The following KHDRBS3 variants were observed in gnomAD, a reference collection of about 807,000 sequenced individuals.
KHDRBS3 encodes KH RNA binding domain containing, signal transduction associated 3, also known as KH domain-containing, RNA-binding, signal transduction-associated protein 3.
Under a neutral mutation model 45.6 loss-of-function variants are expected in KHDRBS3, and 23 were observed. That is an observed-to-expected ratio of 0.50 (90% confidence interval 0.36 to 0.72). The LOEUF (loss-of-function observed/expected upper bound fraction) is 0.72, where lower values mean the gene tolerates loss of function less well. Ranked by LOEUF, KHDRBS3 falls within the 30% of genes least tolerant of loss-of-function variation. The probability of loss-of-function intolerance (pLI) is 0.00; values close to 1 mark genes in which losing one functional copy is unlikely to be tolerated. For synonymous variants in KHDRBS3, 162 were observed against 156.5 expected (o/e 1.04, Z -0.26); for missense variants, 352 against 424.8 (o/e 0.83, Z 1.51).
At chr8:135,504,771 C>T (rs939907457) in intron 1 of KHDRBS3, among the ~76,000 whole-genome samples, 1 of 152,152 alleles carries the variant, frequency 6.6e-6, no homozygotes, top group African/African-American at 2.4e-5. Flanking sequence ...GGAAATCAGA[C>T]ATTTAGCTCA....
intron 2 of KHDRBS3, among the ~76,000 whole-genome samples, chr8:135,530,000 C>G (rs980350097): frequency 6.7e-6 from 1 of 150,228 alleles, no homozygotes; most frequent in East Asian, 2.0e-4. Context: ...TGCAGTGAGC[C>G]GAGATCGTGC....
intron 1 of KHDRBS3, among the ~76,000 whole-genome samples, chr8:135,470,429 C>A (rs910038749): frequency 6.6e-6 from 1 of 152,016 alleles, no homozygotes; most frequent in Non-Finnish European, 1.5e-5. Flanking sequence ...GAACCAACAG[C>A]GATAATCCCC....
Position 135,492,817 on chromosome 8 carries a change from A to T in KHDRBS3, c.89-28420A>T, listed in dbSNP as rs1018797915. 2.0e-5 allele frequency among the ~76,000 whole-genome samples: 3 copies of T among 152,066 alleles called. No homozygotes were observed. The East Asian group carries it at 5.8e-4, about 29-fold the overall frequency. ...GTATGCAAGATCCTTTTGCACATGT[A>T]TATGTGTTTTAGGATCAGCTTACTG... On this transcript the variant is annotated intron_variant, in intron 1 of 8. Coordinates refer to ENST00000355849, the MANE Select transcript of KHDRBS3 (RefSeq NM_006558.3).
chr8:135,608,144 A>G (rs995704000), intron 7 of KHDRBS3, among the ~76,000 whole-genome samples: 5 of 152,152 alleles, frequency 3.3e-5, no homozygotes, highest in South Asian at 2.1e-4. Context: ...TTTATGAAGT[A>G]TATGCCATTG....
chr8:135,483,110 T>C (rs1047136159), intron 1 of KHDRBS3, among the ~76,000 whole-genome samples: 78 of 152,194 alleles, frequency 5.1e-4, no homozygotes, highest in African/African-American at 1.8e-3. Flanking sequence ...CAACCCTGTA[T>C]CTCTTTTGCA....
chr8:135,536,989 AAAAAAAAAGG>A (rs1421287694), intron 2 of KHDRBS3, among the ~76,000 whole-genome samples: 10 of 47,442 alleles, frequency 2.1e-4, no homozygotes, highest in African/African-American at 4.0e-4. Flanking sequence ...AAAAAAAAAA[AAAAAAAAAGG>A]AGATGTTTAG....
intron 2 of KHDRBS3, among the ~76,000 whole-genome samples, chr8:135,538,181 C>A (rs1825870074): frequency 6.6e-6 from 1 of 152,148 alleles, no homozygotes; most frequent in Non-Finnish European, 1.5e-5. Flanking sequence ...CTACCCTGAG[C>A]TTGGCCTGTT....
At chr8:135,469,393 T>C (rs577604670) in intron 1 of KHDRBS3, among the ~76,000 whole-genome samples, 1 of 152,150 alleles carries the variant, frequency 6.6e-6, no homozygotes, top group South Asian at 2.1e-4. Flanking sequence ...CACGCCATTC[T>C]CCTGCCTCCT....
chr8:135,483,066 C>G (rs142921043), intron 1 of KHDRBS3, among the ~76,000 whole-genome samples: 2 of 152,192 alleles, frequency 1.3e-5, no homozygotes, highest in Non-Finnish European at 2.9e-5. Context: ...TGTTTCTCAG[C>G]ATTTCTAGAC....
chr8:135,625,463 T>C, intron 7 of KHDRBS3: 1 of 778,000 alleles, frequency 1.3e-6, no homozygotes, highest in African/African-American at 1.7e-5. Flanking sequence ...CAGGGCAGCC[T>C]TAGGAGCCAC....
chr8:135,629,507 A>C (rs916881981), intron 7 of KHDRBS3, among the ~76,000 whole-genome samples: 1 of 152,198 alleles, frequency 6.6e-6, no homozygotes, highest in Non-Finnish European at 1.5e-5. Context: ...AAAAGATTTA[A>C]CTGCCTGCCC....
At chr8:135,482,711 G>C (rs1408588691) in intron 1 of KHDRBS3, among the ~76,000 whole-genome samples, 2 of 152,114 alleles carry the variant, frequency 1.3e-5, no homozygotes, top group Non-Finnish European at 2.9e-5. Context: ...TGATAGAATG[G>C]ATATAAAATG....
intron 1 of KHDRBS3, among the ~76,000 whole-genome samples, chr8:135,503,782 A>G (rs1261985488): frequency 6.6e-6 from 1 of 152,182 alleles, no homozygotes; most frequent in Non-Finnish European, 1.5e-5. Context: ...TACCCTTGTC[A>G]ATGGTAGGAC....
At chr8:135,648,066 G>A (rs1422315619), downstream of KHDRBS3, 1 of 152,102 alleles carries the variant, frequency 6.6e-6, no homozygotes, top group Non-Finnish European at 1.5e-5. Flanking sequence ...ACTAATTGAG[G>A]TCGCACTCGC....
At chr8:135,597,312 C>A (rs150735485) in intron 6 of KHDRBS3, among the ~76,000 whole-genome samples, 37 of 152,268 alleles carry the variant, frequency 2.4e-4, no homozygotes, top group African/African-American at 8.7e-4. Flanking sequence ...TCGCAAGAGG[C>A]CCAACTTCTT....
intron 5 of KHDRBS3, among the ~76,000 whole-genome samples, chr8:135,564,357 T>G (rs1480198439): frequency 1.3e-5 from 2 of 152,222 alleles, no homozygotes; most frequent in Non-Finnish European, 2.9e-5. Context: ...TATGCATAAT[T>G]GCTGTTATTT....
intron 8 of KHDRBS3, 84 bp downstream of exon 8, chr8:135,645,201 A>T: frequency 7.0e-7 from 1 of 1,422,068 alleles, no homozygotes; most frequent in Non-Finnish European, 9.9e-7. Context: ...GAAGAGAATA[A>T]GGACATTTGG....
chr8:135,483,509 T>A (rs1822692251), intron 1 of KHDRBS3, among the ~76,000 whole-genome samples: 1 of 152,238 alleles, frequency 6.6e-6, no homozygotes. Flanking sequence ...AATCTGAAGC[T>A]AATTAGTCCC....
chr8:135,473,074 A>T (rs1822095312), intron 1 of KHDRBS3, among the ~76,000 whole-genome samples: 1 of 151,380 alleles, frequency 6.6e-6, no homozygotes, highest in Middle Eastern at 3.4e-3. Context: ...TTTAAGTAGG[A>T]ATCTTAAAAC....
Sources: gnomAD v4.1 joint callset for allele counts (sites outside exome capture counted in the v4.1 genomes callset) on GRCh38, gnomAD v4.1.1 for gene constraint, MANE v1.5 for transcripts, NCBI Gene and HGNC (gene_info 2026-07-23, HGNC 2026-07-21) for gene names.